IBTK: variants seen among roughly 807,000 people sequenced by gnomAD.
IBTK encodes the protein BTK-binding protein.
In IBTK, 83 loss-of-function variants were observed where a neutral mutation model predicts 154.9. The ratio of observed to expected loss-of-function variants is 0.54; its 90% confidence interval spans 0.45 to 0.64. The LOEUF is 0.64. IBTK is among the 30% of genes least tolerant of loss of function. The probability of loss-of-function intolerance (pLI) is 0.00; values close to 1 mark genes in which losing one functional copy is unlikely to be tolerated. For synonymous variants in IBTK, 515 were observed against 536.1 expected, an observed-to-expected ratio of 0.96 and a Z score of 0.54; for missense variants, 1,332 against 1,584.6, an observed-to-expected ratio of 0.84 and a Z score of 2.71.
chr6:82,210,147 T>G (rs968518337), intron 16 of IBTK, among the ~76,000 whole-genome samples: 1 of 152,184 alleles, frequency 6.6e-6, no homozygotes, highest in Non-Finnish European at 1.5e-5. Context: ...TTCATAAATT[T>G]TGGTACAATT....
intron 17 of IBTK, among the ~76,000 whole-genome samples, chr6:82,203,417 G>T (rs948764066): frequency 6.6e-6 from 1 of 151,998 alleles, no homozygotes; most frequent in Non-Finnish European, 1.5e-5. Context: ...TCTACATCTG[G>T]CTTCTTGCAT....
intron 26 of IBTK, among the ~76,000 whole-genome samples, chr6:82,176,043 G>T (rs1296261154): frequency 6.7e-6 from 1 of 149,934 alleles, no homozygotes; most frequent in Non-Finnish European, 1.5e-5. Context: ...AAAAAAAAAA[G>T]ATTTTTGTTC....
intron 18 of IBTK, among the ~76,000 whole-genome samples, chr6:82,201,823 A>G (rs531927864): frequency 1.3e-5 from 2 of 152,108 alleles, no homozygotes; most frequent in South Asian, 4.1e-4. Context: ...CCTGGGTTCA[A>G]GTGATTCTCC....
chr6:82,187,219 T>C (rs1276841663), intron 25 of IBTK, among the ~76,000 whole-genome samples: 1 of 152,134 alleles, frequency 6.6e-6, no homozygotes, highest in Non-Finnish European at 1.5e-5. Context: ...CCCAGCCAGA[T>C]AATTATCAAA....
At chr6:82,185,184 G>GAAAAAAAAAAAAA (rs1196015823) in intron 25 of IBTK, among the ~76,000 whole-genome samples, 1 of 37,814 alleles carries the variant, frequency 2.6e-5, no homozygotes, top group Non-Finnish European at 5.7e-5. Context: ...CTCTGTCTCA[G>GAAAAAAAAAAAAA]AAAAAAAAAA....
At chr6:82,207,038 C>A (rs181237959) in intron 16 of IBTK, among the ~76,000 whole-genome samples, 34 of 152,206 alleles carry the variant, frequency 2.2e-4, no homozygotes, top group African/African-American at 7.7e-4. Context: ...CAAGGACAAC[C>A]ACTGTTGCCA....
intron 24 of IBTK, chr6:82,191,547 T>C (rs1466511563): frequency 3.4e-6 from 2 of 590,790 alleles, no homozygotes; most frequent in Admixed American, 2.8e-5. Flanking sequence ...CAATGATCAT[T>C]TTAGAGTCAA....
intron 3 of IBTK, among the ~76,000 whole-genome samples, chr6:82,232,571 A>T (rs187676716): frequency 6.6e-6 from 1 of 152,356 alleles, no homozygotes; most frequent in East Asian, 1.9e-4. Flanking sequence ...AAATAGAAAT[A>T]CAGAATGTGT....
intron 26 of IBTK, among the ~76,000 whole-genome samples, chr6:82,178,252 A>G (rs1041853686): frequency 6.6e-6 from 1 of 152,212 alleles, no homozygotes; most frequent in Non-Finnish European, 1.5e-5. Flanking sequence ...GCAGTATAAC[A>G]GGGCACACTT....
chr6:82,209,421 A>C (rs1205253796), intron 16 of IBTK, among the ~76,000 whole-genome samples: 1 of 152,202 alleles, frequency 6.6e-6, no homozygotes, highest in Non-Finnish European at 1.5e-5. Context: ...AACACAGATA[A>C]ATTTTTAAAA....
chr6:82,173,433 G>C lies in IBTK; in HGVS notation c.3731C>G (p.Ser1244Cys). 1 of 1,612,934 alleles carries C rather than the reference G, an allele frequency of 6.2e-7. No homozygotes were observed. The highest frequency in any genetic ancestry group is 8.5e-7 in the Non-Finnish European group (1 of 1,179,140). ...NSQAPKIVRC[S>C]THGTPGPEGN... ...TTCTGGTCCTGGGGTACCATGGGTAGAGCATCTGCAAAACAAATGCCAAAA... is the reference window on the plus strand; with the variant it reads ...TTCTGGTCCTGGGGTACCATGGGTACAGCATCTGCAAAACAAATGCCAAAA... The change falls in exon 27 of 29, where the codon TCT becomes TGT. Residue 1244 changes from serine (S) to cysteine (C), a missense_variant. By Grantham distance (112) the Ser-to-Cys change is moderately radical (BLOSUM62 -1). Around this residue, in one of 3 missense-constraint regions of IBTK, gnomAD observed 1,134 missense variants for 1,274.7 expected, o/e 0.89. Coordinates refer to ENST00000306270, the MANE Select transcript of IBTK (RefSeq NM_015525.4).
Position 82,210,824 on chromosome 6 carries a change from C to T in IBTK, c.2499G>A (p.Val833=). 1 of 1,475,672 alleles carries T rather than the reference C, an allele frequency of 6.8e-7. No individual in the cohort carries two copies. Among genetic ancestry groups the T allele is most frequent in the Non-Finnish European group, 9.2e-7 (1 of 1,087,516 alleles). The allele number at this position is 1,475,672 out of a possible 1,614,324, so 91.4% of individuals were successfully genotyped here. ...AACTCTTATTAATACCTTTTATCACCACAGCTTCATCAGTATAGAGGTAGT... is the reference window on the plus strand; with the variant it reads ...AACTCTTATTAATACCTTTTATCACTACAGCTTCATCAGTATAGAGGTAGT... The part of the protein sequence containing the change: ...ILDYLYTDEA[V]VIKESQNVDF... The change falls in exon 16 of 29, where the codon GTG becomes GTA. Residue 833 remains valine (V), a synonymous_variant. Coordinates refer to ENST00000306270, the MANE Select transcript of IBTK (RefSeq NM_015525.4).
At chr6:82,196,960 G>C (rs771903960) in intron 21 of IBTK, among the ~76,000 whole-genome samples, 2 of 152,144 alleles carry the variant, frequency 1.3e-5, no homozygotes, top group African/African-American at 2.4e-5. Context: ...GACAACTGTG[G>C]CCTGTTTGAA....
chr6:82,211,447 A>C (rs763767403), intron 14 of IBTK, 43 bp from the exon 15 acceptor site: 2 of 1,603,676 alleles, frequency 1.2e-6, no homozygotes. Flanking sequence ...TAGTGAAACA[A>C]TACTACAGCA....
At position 82,174,773 on chromosome 6, in the gene IBTK, AAAAC is replaced by A. The variant is rs1406741713; in HGVS notation, c.3726-1339_3726-1336del. 2.0e-5 allele frequency: 7 copies of A among 354,398 alleles called. No homozygotes were observed. In the East Asian group the frequency reaches 3.6e-4, roughly 18 times the overall value. 22.0% of individuals were successfully genotyped at this position (354,398 alleles called of 1,614,324 possible). ...ATATATTAACTATTATAGAGATTAA[AAAAC>A]AAACTCAAAGAATATTATATAATTT... is the stretch of plus-strand genomic sequence containing the variant. On this transcript the variant is annotated intron_variant, in intron 26 of 28. Coordinates refer to ENST00000306270, the MANE Select transcript of IBTK (RefSeq NM_015525.4).
chr6:82,230,924 C>T (rs1393164137), intron 4 of IBTK, among the ~76,000 whole-genome samples: 1 of 152,124 alleles, frequency 6.6e-6, no homozygotes, highest in African/African-American at 2.4e-5. Context: ...TTTAAGAACT[C>T]AGGTTCACAA....
At chr6:82,172,605 T>C in intron 27 of IBTK, 93 bp from the exon 28 acceptor site, 3 of 1,164,352 alleles carry the variant, frequency 2.6e-6, no homozygotes, top group South Asian at 3.3e-5. Context: ...GCTACAATTC[T>C]TTCCAGTGAC....
At chr6:82,225,410 C>T (rs1770257473) in intron 6 of IBTK, 67 bp downstream of exon 6, 1 of 1,277,892 alleles carries the variant, frequency 7.8e-7, no homozygotes. Context: ...CAATAACTTA[C>T]ATTTTTTTGT....
At chr6:82,212,859 T>C (rs1769704846) in intron 12 of IBTK, 66 bp from the exon 13 acceptor site, 2 of 891,696 alleles carry the variant, frequency 2.2e-6, no homozygotes, top group Admixed American at 3.8e-5. Context: ...CAACAAAAAA[T>C]CCAACAAATT....
Sources: allele counts gnomAD v4.1 joint callset (sites outside exome capture counted in the v4.1 genomes callset), GRCh38; gene constraint gnomAD v4.1.1; regional missense constraint gnomAD v4.1.1; transcripts MANE v1.5; gene names NCBI Gene and HGNC (gene_info 2026-07-23, HGNC 2026-07-21).